Variants in ZNF529 observed in about 807,000 individuals in gnomAD.
ZNF529 encodes the protein zinc finger protein 529.
Under a neutral mutation model 10.1 loss-of-function variants are expected in ZNF529, and 11 were observed. That is an observed-to-expected ratio of 1.09 (90% confidence interval 0.69 to 1.81). The LOEUF (loss-of-function observed/expected upper bound fraction) is 1.81, where lower values mean the gene tolerates loss of function less well. Ranked by LOEUF, ZNF529 falls within the 40% of genes most tolerant of loss-of-function variation. ZNF529 has a pLI of 0.00. For missense variants in ZNF529, 624 were observed against 666.8 expected, an observed-to-expected ratio of 0.94 and a Z score of 0.71; for synonymous variants, 204 against 215.7, an observed-to-expected ratio of 0.95 and a Z score of 0.47.
At position 36,556,183 on chromosome 19, in the gene ZNF529, T is replaced by G; in HGVS notation, c.29A>C (p.His10Pro). 7.6e-6 allele frequency: 9 copies of G among 1,180,036 alleles called. No homozygotes were observed. The highest frequency in any genetic ancestry group is 1.5e-5 in the African/African-American group (1 of 65,906). 73.1% of individuals were successfully genotyped at this position (1,180,036 alleles called of 1,614,324 possible). The change falls in exon 3 of 5, where the codon CAT becomes CCT. Residue 10 changes from histidine to proline, a missense_variant. Coordinates refer to ENST00000591340, the MANE Select transcript of ZNF529 (RefSeq NM_020951.5). ...GACAGCATGAGGAGCTCCATGGACATGATCCCCAATGAAACTGTAAAAATT... is the reference window on the plus strand; with the variant it reads ...GACAGCATGAGGAGCTCCATGGACAGGATCCCCAATGAAACTGTAAAAATT... MANSSFIGDHVHGAPHAVMP... is the reference protein window; with the variant it reads MANSSFIGDPVHGAPHAVMP...
chr19:36,548,339 A>C lies in ZNF529; in HGVS notation c.236-17T>G. The C allele has an allele frequency of 6.7e-7, 1 of 1,496,966 alleles. No individual in the cohort carries two copies. The highest frequency in any genetic ancestry group is 8.9e-7 in the Non-Finnish European group (1 of 1,123,770). The allele number at this position is 1,496,966 out of a possible 1,614,324, so 92.7% of individuals were successfully genotyped here. On this transcript the variant is annotated splice_polypyrimidine_tract_variant and intron_variant, in intron 4 of 4. Transcript: ENST00000591340. ...ACTCCAAATCTGAAAGAAAGGAAAA[A>C]ATAATTTTCATGTACTACAAAAATA... is the stretch of plus-strand genomic sequence containing the variant.
rs1400019183 is a variant in ZNF529, at chr19:36,569,592, C to G, written c.14+2741G>C. On this transcript the variant is annotated intron_variant, in intron 2 of 4. Coordinates refer to ENST00000591340, the MANE Select transcript of ZNF529 (RefSeq NM_020951.5). ...CTAGTCTAGCCAACATGGTAAAACC[C>G]TGTCTCTACTAAAAAAAAAAAAAAT... Among the ~76,000 whole-genome samples the G allele has an allele frequency of 2.6e-5, 4 of 151,740 alleles. No individual in the cohort carries two copies. The East Asian group carries it at 7.7e-4, about 29-fold the overall frequency.
At position 36,547,426 on chromosome 19, in the gene ZNF529, A is replaced by G; in HGVS notation, c.1132T>C (p.Cys378Arg). ...CTCTGATGACGAGCAAGTTCTCTAC[A>G]TACTCCAAAAGCCTTCCCACATTCC... ...CKECGKAFGV[C>R]RELARHQRIH... The change falls in exon 5 of 5, where the codon TGT (cysteine) becomes CGT (arginine). Residue 378 changes from cysteine (C) to arginine (R), a missense_variant. Transcript: ENST00000591340. 2 of 1,610,970 alleles carry G rather than the reference A, an allele frequency of 1.2e-6. No homozygotes were observed. Among genetic ancestry groups the G allele is most frequent in the South Asian group, 1.1e-5 (1 of 90,910 alleles).
chr19:36,560,469 G>A (rs2035646261), intron 2 of ZNF529, among the ~76,000 whole-genome samples: 1 of 152,090 alleles, frequency 6.6e-6, no homozygotes, highest in African/African-American at 2.4e-5. Flanking sequence ...CTGGGCTAAG[G>A]AAATGAATCC....
At chr19:36,588,867 A>C (rs935684513) in intron 2 of ZNF529, among the ~76,000 whole-genome samples, 7 of 152,114 alleles carry the variant, frequency 4.6e-5, no homozygotes, top group South Asian at 4.2e-4. Context: ...ACCAGCAAAC[A>C]TAAGTGTTTC....
At chr19:36,557,841 G>A (rs1169104025) in intron 2 of ZNF529, among the ~76,000 whole-genome samples, 1 of 152,132 alleles carries the variant, frequency 6.6e-6, no homozygotes, top group Admixed American at 6.6e-5. Context: ...AACAGAAACT[G>A]CTTGTGAGAG....
chr19:36,576,033 G>C (rs2036308915), upstream of ZNF529, among the ~76,000 whole-genome samples: 1 of 151,964 alleles, frequency 6.6e-6, no homozygotes. Context: ...ATTTTTAGTA[G>C]AGATGGGGTT....
chr19:36,598,966 A>G (rs184242827), intron 1 of ZNF529, among the ~76,000 whole-genome samples: 20 of 152,338 alleles, frequency 1.3e-4, no homozygotes, highest in Admixed American at 3.3e-4. Flanking sequence ...CATTACCCAC[A>G]GATTTTTTCA....
At chr19:36,563,155 C>T (rs1173131029) in intron 2 of ZNF529, among the ~76,000 whole-genome samples, 1 of 152,106 alleles carries the variant, frequency 6.6e-6, no homozygotes, top group Non-Finnish European at 1.5e-5. Context: ...GGCGCGGTGG[C>T]TCACGCCTGT....
intron 2 of ZNF529, chr19:36,587,582 A>G (rs1016006107): frequency 6.6e-6 from 1 of 152,242 alleles, no homozygotes; most frequent in Non-Finnish European, 1.5e-5. Flanking sequence ...CATTATTCAC[A>G]GTAGCCAAAA....
In ZNF529 at chr19:36,556,179, G is replaced by T; in HGVS notation, c.33C>A (p.Val11=). 8.1e-7 allele frequency: 1 copy of T among 1,231,870 alleles called. No individual in the cohort carries two copies. The highest frequency in any genetic ancestry group is 1.2e-6 in the Non-Finnish European group (1 of 854,880). 76.3% of individuals were successfully genotyped at this position (1,231,870 alleles called of 1,614,324 possible). ...GCATGACAGCATGAGGAGCTCCATG[G>T]ACATGATCCCCAATGAAACTGTAAA... The part of the protein sequence containing the change: MANSSFIGDH[V]HGAPHAVMPE... Residue 11 remains valine, a synonymous_variant, in exon 3 of 5, where the codon GTC becomes GTA. Transcript: ENST00000591340.
At chr19:36,596,443 A>AT (rs957127387) in intron 1 of ZNF529, among the ~76,000 whole-genome samples, 10 of 151,798 alleles carry the variant, frequency 6.6e-5, no homozygotes, top group African/African-American at 2.2e-4. Context: ...CTTAAACTCT[A>AT]TTTTTTTGAC....
At chr19:36,583,279 A>G (rs2036511062) in intron 2 of ZNF529, among the ~76,000 whole-genome samples, 1 of 151,374 alleles carries the variant, frequency 6.6e-6, no homozygotes, top group East Asian at 1.9e-4. Context: ...CTGGTCTTGA[A>G]CTCCTGGGCT....
At chr19:36,553,431 C>G (rs939986086) in intron 4 of ZNF529, among the ~76,000 whole-genome samples, 1 of 152,018 alleles carries the variant, frequency 6.6e-6, no homozygotes, top group African/African-American at 2.4e-5. Context: ...TGAGCCACCA[C>G]GCCCAGCCAA....
intron 4 of ZNF529, among the ~76,000 whole-genome samples, chr19:36,551,436 G>A (rs576851205): frequency 1.3e-5 from 2 of 152,038 alleles, no homozygotes; most frequent in African/African-American, 4.8e-5. Flanking sequence ...TCATACAGCT[G>A]GACATCAAAA....
chr19:36,559,680 C>T (rs2035609307), intron 2 of ZNF529, among the ~76,000 whole-genome samples: 1 of 152,068 alleles, frequency 6.6e-6, no homozygotes, highest in African/African-American at 2.4e-5. Context: ...GGTATGGAAA[C>T]CTAAGTGTCC....
chr19:36,602,108 C>T (rs1221156803), intron 1 of ZNF529, among the ~76,000 whole-genome samples: 2 of 149,626 alleles, frequency 1.3e-5, no homozygotes, highest in South Asian at 2.1e-4. Flanking sequence ...AGTGCAGTGG[C>T]GCGATCTCGG....
At chr19:36,562,793 T>C (rs1320216542) in intron 2 of ZNF529, among the ~76,000 whole-genome samples, 1 of 142,590 alleles carries the variant, frequency 7.0e-6, no homozygotes, top group Admixed American at 7.2e-5. Context: ...GCTGAGATTG[T>C]GCCCTCCAGC....
intron 1 of ZNF529, among the ~76,000 whole-genome samples, chr19:36,572,793 A>G (rs1179564867): frequency 6.6e-6 from 1 of 152,012 alleles, no homozygotes; most frequent in Admixed American, 6.6e-5. Flanking sequence ...TAATCTATCT[A>G]TATGCGTGTG....
Sources: gnomAD v4.1 joint callset for allele counts (sites outside exome capture counted in the v4.1 genomes callset) on GRCh38, gnomAD v4.1.1 for gene constraint, MANE v1.5 for transcripts, NCBI Gene and HGNC (gene_info 2026-07-23, HGNC 2026-07-21) for gene names.